The following TMEM154 variants were observed in gnomAD, a reference collection of about 807,000 sequenced individuals.
The protein encoded by TMEM154 is transmembrane protein 154.
TMEM154 carries 27 observed loss-of-function variants against 24.5 expected under a neutral mutation model. The observed-to-expected ratio is 1.10, with a 90% confidence interval of 0.81 to 1.52. The LOEUF (loss-of-function observed/expected upper bound fraction) is 1.52, where lower values mean the gene tolerates loss of function less well. TMEM154 is among the 40% of genes most tolerant of loss of function. The pLI is 0.00. For missense variants in TMEM154, 228 were observed against 213.4 expected, an observed-to-expected ratio of 1.07 and a Z score of -0.43; for synonymous variants, 67 against 76.8, an observed-to-expected ratio of 0.87 and a Z score of 0.67.
Position 152,624,297 on chromosome 4 carries a change from G to A in TMEM154, c.*4249C>T, listed in dbSNP as rs1353182665. On this transcript the variant is annotated 3_prime_UTR_variant, in exon 7 of 7. Coordinates refer to ENST00000304385, the MANE Select transcript of TMEM154 (RefSeq NM_152680.3). ...AGTAGGGCAAAAAAACAAAACACAAGGTCCAGGTACAAATAATTCCAGCCA... is the reference window on the plus strand; with the variant it reads ...AGTAGGGCAAAAAAACAAAACACAAAGTCCAGGTACAAATAATTCCAGCCA... 6.6e-6 allele frequency: 1 copy of A among 151,972 alleles called. No homozygotes were observed. Among genetic ancestry groups the A allele is most frequent in the Non-Finnish European group, 1.5e-5 (1 of 67,976 alleles). The allele number at this position is 151,972 out of a possible 1,614,324, so 9.4% of individuals were successfully genotyped here.
chr4:152,628,334 G>T lies in TMEM154; in HGVS notation c.*212C>A. The T allele has an allele frequency of 2.5e-6, 2 of 791,842 alleles. No homozygotes were observed. The highest frequency in any genetic ancestry group is 2.0e-6 in the Non-Finnish European group (1 of 490,068). 49.1% of individuals were successfully genotyped at this position (791,842 alleles called of 1,614,324 possible). On this transcript the variant is annotated 3_prime_UTR_variant, in exon 7 of 7. Transcript: ENST00000304385. The stretch of plus-strand genomic sequence containing the variant: ...AGAGGCAGCGATGGATGGCAGCCAG[G>T]CCTTTTCCTAGTACTTCTCAATTGC...
intron 1 of TMEM154, among the ~76,000 whole-genome samples, chr4:152,675,709 G>T (rs545425599): frequency 6.6e-6 from 1 of 152,096 alleles, no homozygotes; most frequent in Non-Finnish European, 1.5e-5. Context: ...TGGCTTGACC[G>T]TCAAGATAGA....
rs1365625961 is a variant in TMEM154 at position 152,620,684 on chromosome 4, G to C, written c.*7862C>G. On this transcript the variant is annotated 3_prime_UTR_variant, in exon 7 of 7. Transcript: ENST00000304385. ...CTGGCTAATTTTTGTATTTTTAGTTGAGACGGGGGTTTCACCATGTTGGCC... is the reference window on the plus strand; with the variant it reads ...CTGGCTAATTTTTGTATTTTTAGTTCAGACGGGGGTTTCACCATGTTGGCC... The C allele has an allele frequency of 6.6e-6, 1 of 152,102 alleles. No homozygotes were observed. The highest frequency in any genetic ancestry group is 1.9e-4 in the East Asian group (1 of 5,190). 9.4% of individuals were successfully genotyped at this position (152,102 alleles called of 1,614,324 possible). A position where few individuals can be genotyped will look rare whatever the true frequency, so the allele number is the denominator to read the frequency against.
Position 152,652,941 on chromosome 4 carries a change from T to C in TMEM154, c.65-14A>G, listed in dbSNP as rs1579523489. The C allele has an allele frequency of 1.3e-6, 2 of 1,568,258 alleles. No homozygotes were observed. Among genetic ancestry groups the C allele is most frequent in the Non-Finnish European group, 1.7e-6 (2 of 1,161,748 alleles). Reference sequence around the variant, plus strand: ...CCTCATAATTACCTGTGGGAATAGATACAAAATTGAAATTTCCATGGAGAC... The same window carrying C: ...CCTCATAATTACCTGTGGGAATAGACACAAAATTGAAATTTCCATGGAGAC... On this transcript the variant is annotated splice_polypyrimidine_tract_variant and intron_variant, in intron 1 of 6. Transcript: ENST00000304385.
At chr4:152,650,580 C>T (rs1728358647) in intron 3 of TMEM154, among the ~76,000 whole-genome samples, 2 of 152,104 alleles carry the variant, frequency 1.3e-5, no homozygotes, top group African/African-American at 4.8e-5. Context: ...TCAACGTCTT[C>T]CAAAATACTG....
chr4:152,667,471 G>A (rs548050760), intron 1 of TMEM154, among the ~76,000 whole-genome samples: 11 of 152,064 alleles, frequency 7.2e-5, no homozygotes, highest in African/African-American at 1.7e-4. Context: ...TTGCCCCCAC[G>A]TAAAGGTCAG....
rs1418080206 is a variant in TMEM154 at position 152,627,480 on chromosome 4, T to A, written c.*1066A>T. The stretch of plus-strand genomic sequence containing the variant: ...GTGGTCAATAGGCCCTTTTCCATTT[T>A]GTGCCATTGCTTTTAGCACAAGGAT... On this transcript the variant is annotated 3_prime_UTR_variant, in exon 7 of 7. Coordinates refer to ENST00000304385, the MANE Select transcript of TMEM154 (RefSeq NM_152680.3). The A allele has an allele frequency of 1.3e-5, 2 of 152,238 alleles. No individual in the cohort carries two copies. Among genetic ancestry groups the A allele is most frequent in the Non-Finnish European group, 1.5e-5 (1 of 68,026 alleles). 9.4% of individuals were successfully genotyped at this position (152,238 alleles called of 1,614,324 possible).
At chr4:152,651,375 A>G (rs1561051003) in intron 3 of TMEM154, among the ~76,000 whole-genome samples, 4 of 152,210 alleles carry the variant, frequency 2.6e-5, no homozygotes, top group Admixed American at 6.5e-5. Context: ...TCTATGGTTG[A>G]GTGTAGCCAC....
intron 1 of TMEM154, among the ~76,000 whole-genome samples, chr4:152,653,633 A>T (rs982663811): frequency 6.6e-6 from 1 of 150,556 alleles, no homozygotes; most frequent in African/African-American, 2.4e-5. Context: ...CAAGTGATCC[A>T]CCCGCCTCAG....
At chr4:152,628,600 A>AACACACACAC (rs759606877) in intron 6 of TMEM154, 39 bp from the exon 7 acceptor site, 2 of 989,750 alleles carry the variant, frequency 2.0e-6, no homozygotes, top group African/African-American at 4.0e-5. Flanking sequence ...AAACAAAAAA[A>AACACACACAC]ACACACACAC....
intron 4 of TMEM154, among the ~76,000 whole-genome samples, chr4:152,643,505 G>A (rs1014577313): frequency 2.6e-5 from 4 of 152,214 alleles, no homozygotes; most frequent in Non-Finnish European, 5.9e-5. Context: ...CCCTTCCGGG[G>A]AGTTGCCATA....
chr4:152,628,611 ACAC>A, intron 6 of TMEM154, 50 bp from the exon 7 acceptor site: 1 of 1,088,172 alleles, frequency 9.2e-7, no homozygotes, highest in Non-Finnish European at 1.2e-6. Context: ...ACACACACAC[ACAC>A]ACAAAACAGT....
chr4:152,670,497 G>A (rs1017251189), intron 1 of TMEM154, among the ~76,000 whole-genome samples: 1 of 152,198 alleles, frequency 6.6e-6, no homozygotes, highest in African/African-American at 2.4e-5. Context: ...TCGGGAGGCT[G>A]AGGCAGGAGA....
intron 1 of TMEM154, among the ~76,000 whole-genome samples, chr4:152,678,988 T>A (rs1420104609): frequency 6.6e-6 from 1 of 152,164 alleles, no homozygotes; most frequent in Non-Finnish European, 1.5e-5. Context: ...ACTTTCCTTT[T>A]GCTTGGTAAA....
rs1018546665 is a variant in TMEM154 at position 152,627,295 on chromosome 4, G to C, written c.*1251C>G. The C allele has an allele frequency of 6.6e-6, 1 of 152,138 alleles. No individual in the cohort carries two copies. Among genetic ancestry groups the C allele is most frequent in the Non-Finnish European group, 1.5e-5 (1 of 68,032 alleles). 9.4% of individuals were successfully genotyped at this position (152,138 alleles called of 1,614,324 possible). A position where few individuals can be genotyped will look rare whatever the true frequency, so the allele number is the denominator to read the frequency against. ...CCCATCTCCCTTCGGTTTATATGTG[G>C]GTAGTAAAATAAATAAAATTTTCCT... On this transcript the variant is annotated 3_prime_UTR_variant, in exon 7 of 7. Transcript: ENST00000304385.
At chr4:152,633,078 A>G (rs1752080163) in intron 6 of TMEM154, among the ~76,000 whole-genome samples, 1 of 152,260 alleles carries the variant, frequency 6.6e-6, no homozygotes, top group Admixed American at 6.5e-5. Flanking sequence ...AAAGGCTTTC[A>G]GCAACCATGT....
intron 1 of TMEM154, chr4:152,668,826 A>T (rs1728772372): frequency 1.3e-5 from 2 of 152,318 alleles, no homozygotes; most frequent in Admixed American, 1.3e-4. Flanking sequence ...GCTTTCCTAC[A>T]AGAGGCTGAA....
chr4:152,664,104 G>A (rs1181646242), intron 1 of TMEM154, among the ~76,000 whole-genome samples: 1 of 152,184 alleles, frequency 6.6e-6, no homozygotes, highest in East Asian at 1.9e-4. Context: ...GTTTACAATA[G>A]CAAAGACATG....
chr4:152,644,420 C>T lies in TMEM154; in HGVS notation c.387G>A (p.Val129=). 6.2e-7 allele frequency: 1 copy of T among 1,614,166 alleles called. No individual in the cohort carries two copies. The highest frequency in any genetic ancestry group is 8.5e-7 in the Non-Finnish European group (1 of 1,179,998). Reference sequence around the variant, plus strand: ...AAGCAGCAGGGAAAACTTACACTTTCACGTTTTCACTTCCCAGTTCATCTA... The same window carrying T: ...AAGCAGCAGGGAAAACTTACACTTTTACGTTTTCACTTCCCAGTTCATCTA... ...LQTYELGSEN[V]KVPIFEEDTP... is the part of the protein sequence containing the mutation. The change falls in exon 4 of 7, where the codon GTG becomes GTA. Residue 129 remains valine, a synonymous_variant. Coordinates refer to ENST00000304385, the MANE Select transcript of TMEM154 (RefSeq NM_152680.3).
Sources: allele counts gnomAD v4.1 joint callset (sites outside exome capture counted in the v4.1 genomes callset), GRCh38; gene constraint gnomAD v4.1.1; transcripts MANE v1.5; gene names NCBI Gene and HGNC (gene_info 2026-07-23, HGNC 2026-07-21).